Variants in RUNDC3B observed in about 807,000 individuals in gnomAD.
RUNDC3B encodes the protein RUN domain containing 3B.
RUNDC3B carries 33 observed loss-of-function variants against 58.4 expected under a neutral mutation model. The ratio of observed to expected loss-of-function variants is 0.56; its 90% confidence interval spans 0.43 to 0.75. RUNDC3B has a LOEUF of 0.75. Among genes scored for constraint, RUNDC3B ranks in the 30% least tolerant of loss-of-function variants. The pLI is 0.00. For synonymous variants in RUNDC3B, 193 were observed against 195.2 expected (o/e 0.99, Z 0.10); for missense variants, 501 against 535.7 (o/e 0.94, Z 0.64).
chr7:87,729,870 A>G (rs1831476031), intron 4 of RUNDC3B, among the ~76,000 whole-genome samples: 1 of 152,110 alleles, frequency 6.6e-6, no homozygotes, highest in African/African-American at 2.4e-5. Context: ...CTTTGTATTG[A>G]AACTTGGACA....
intron 8 of RUNDC3B, among the ~76,000 whole-genome samples, chr7:87,790,317 A>T (rs1308789454): frequency 6.6e-6 from 1 of 152,218 alleles, no homozygotes; most frequent in East Asian, 1.9e-4. Context: ...CCACAGTGTT[A>T]TTGGGCTTGG....
Position 87,816,121 on chromosome 7 carries a change from AT to A in RUNDC3B, c.1104-17del. ...TTTTGTGAAAAGAAATTCAAGTAGTATTTCATCCTTGCTTTACAGGAAAAGT... is the reference window on the plus strand; with the variant it reads ...TTTTGTGAAAAGAAATTCAAGTAGTATTCATCCTTGCTTTACAGGAAAAGT... On this transcript the variant is annotated intron_variant, in intron 9 of 10. Transcript: ENST00000394654. 1 of 1,569,624 alleles carries A rather than the reference AT, an allele frequency of 6.4e-7. No homozygotes were observed. Among genetic ancestry groups the A allele is most frequent in the East Asian group, 2.2e-5 (1 of 44,508 alleles).
intron 10 of RUNDC3B, 106 bp from the exon 11 acceptor site, chr7:87,829,779 G>A: frequency 2.6e-6 from 2 of 768,326 alleles, no homozygotes; most frequent in Non-Finnish European, 4.1e-6. Flanking sequence ...GGGCAGTATG[G>A]TCATTTTCAC....
At chr7:87,802,448 A>G (rs2130926101) in intron 8 of RUNDC3B, among the ~76,000 whole-genome samples, 1 of 152,292 alleles carries the variant, frequency 6.6e-6, no homozygotes, top group South Asian at 2.1e-4. Context: ...AGGGAGGGAA[A>G]GTGGGTAAAT....
chr7:87,651,019 G>A (rs887595336), intron 2 of RUNDC3B, 82 bp downstream of exon 2: 2 of 777,756 alleles, frequency 2.6e-6, no homozygotes, highest in Non-Finnish European at 4.3e-6. Flanking sequence ...TACAGTCTGT[G>A]TGACTTAGAT....
chr7:87,816,514 C>A (rs1837046891), intron 10 of RUNDC3B, among the ~76,000 whole-genome samples: 1 of 152,054 alleles, frequency 6.6e-6, no homozygotes, highest in African/African-American at 2.4e-5. Flanking sequence ...CCCTGCCAAT[C>A]TAGCTTTTGT....
rs374749886 is a variant in RUNDC3B, at chr7:87,802,543, A to G, written c.957-4830A>G. On this transcript the variant is annotated intron_variant, in intron 8 of 10. Coordinates refer to ENST00000394654, the MANE Select transcript of RUNDC3B (RefSeq NM_001134405.2). ...ATAGTCAAAAGTAATTTAATTATAC[A>G]TTTAAAAATAACCAAAAGAGTATTA... Among the ~76,000 whole-genome samples, 10 of 152,342 alleles carry G rather than the reference A, an allele frequency of 6.6e-5. No homozygotes were observed. In the East Asian group the frequency reaches 1.9e-3, roughly 29 times the overall value.
intron 10 of RUNDC3B, among the ~76,000 whole-genome samples, chr7:87,825,205 C>G (rs1004238460): frequency 6.6e-6 from 1 of 151,480 alleles, no homozygotes; most frequent in South Asian, 2.1e-4. Context: ...GGTGACAGAG[C>G]GAGACTCCAT....
intron 4 of RUNDC3B, among the ~76,000 whole-genome samples, chr7:87,724,202 G>A (rs1831077680): frequency 6.6e-6 from 1 of 152,150 alleles, no homozygotes; most frequent in African/African-American, 2.4e-5. Context: ...CAGCCTAGGT[G>A]ACTGAGTGAG....
chr7:87,635,710 A>G (rs546416437), intron 1 of RUNDC3B, among the ~76,000 whole-genome samples: 38 of 152,344 alleles, frequency 2.5e-4, no homozygotes, highest in Non-Finnish European at 4.7e-4. Context: ...CAATGTTGTA[A>G]CTAGCACCCA....
rs1225859297 is a variant in RUNDC3B, at chr7:87,830,050, A to G, written c.*20A>G. The G allele has an allele frequency of 2.0e-6, 3 of 1,532,662 alleles. No homozygotes were observed. The highest frequency in any genetic ancestry group is 1.4e-5 in the African/African-American group (1 of 71,218). 94.9% of individuals were successfully genotyped at this position (1,532,662 alleles called of 1,614,324 possible). A position where few individuals can be genotyped will look rare whatever the true frequency, so the allele number is the denominator to read the frequency against. ...TCCTGAAAATTTTTGTGTAAAAGCC[A>G]AAACTTTTTATGTTGTAAATGTTTA... On this transcript the variant is annotated 3_prime_UTR_variant, in exon 11 of 11. Coordinates refer to ENST00000394654, the MANE Select transcript of RUNDC3B (RefSeq NM_001134405.2).
intron 1 of RUNDC3B, among the ~76,000 whole-genome samples, chr7:87,631,721 G>A (rs1821246345): frequency 1.3e-5 from 2 of 152,244 alleles, no homozygotes; most frequent in South Asian, 2.1e-4. Context: ...TCAAATCAGA[G>A]ATGATTTGAT....
At chr7:87,717,436 T>G (rs1352047929) in intron 4 of RUNDC3B, among the ~76,000 whole-genome samples, 2 of 152,052 alleles carry the variant, frequency 1.3e-5, no homozygotes, top group Admixed American at 1.3e-4. Context: ...AATAATATTT[T>G]TTGGTAAAAA....
chr7:87,790,192 G>C (rs914930876), intron 8 of RUNDC3B, among the ~76,000 whole-genome samples: 1 of 152,182 alleles, frequency 6.6e-6, no homozygotes. Flanking sequence ...GAGACACCCT[G>C]TTTGTTTGGG....
At chr7:87,666,540 T>C (rs1166662266) in intron 2 of RUNDC3B, among the ~76,000 whole-genome samples, 1 of 152,026 alleles carries the variant, frequency 6.6e-6, no homozygotes, top group East Asian at 1.9e-4. Context: ...TGCTTTTGGT[T>C]TCTTTTTCAT....
At chr7:87,794,193 T>C (rs1462465409) in intron 8 of RUNDC3B, among the ~76,000 whole-genome samples, 1 of 152,112 alleles carries the variant, frequency 6.6e-6, no homozygotes. Flanking sequence ...TCCCAGCACT[T>C]TGGGAGGCCG....
chr7:87,699,388 C>T (rs1461731145), intron 2 of RUNDC3B, among the ~76,000 whole-genome samples: 1 of 151,974 alleles, frequency 6.6e-6, no homozygotes, highest in Non-Finnish European at 1.5e-5. Context: ...TCCTGTGAGA[C>T]TAATATTCAG....
intron 2 of RUNDC3B, among the ~76,000 whole-genome samples, chr7:87,678,306 G>C (rs1287559767): frequency 6.6e-6 from 1 of 152,134 alleles, no homozygotes; most frequent in Non-Finnish European, 1.5e-5. Context: ...AAGGTTTCCA[G>C]GTTTGCATGT....
intron 7 of RUNDC3B, among the ~76,000 whole-genome samples, chr7:87,776,972 A>G (rs1375954682): frequency 6.6e-6 from 1 of 152,142 alleles, no homozygotes; most frequent in Non-Finnish European, 1.5e-5. Flanking sequence ...TGGGAAGAGA[A>G]CAATCAGAAA....
Sources: allele counts gnomAD v4.1 joint callset (sites outside exome capture counted in the v4.1 genomes callset), GRCh38; gene constraint gnomAD v4.1.1; transcripts MANE v1.5; gene names NCBI Gene and HGNC (gene_info 2026-07-23, HGNC 2026-07-21).